Variants in TNPO3 observed in about 807,000 individuals in gnomAD.
TNPO3 encodes transportin-3.
TNPO3 carries 65 observed loss-of-function variants against 122.8 expected under a neutral mutation model. That is an observed-to-expected ratio of 0.53 (90% CI 0.43 to 0.65). The LOEUF is 0.65. Among genes scored for constraint, TNPO3 ranks in the 30% least tolerant of loss-of-function variants. The probability of loss-of-function intolerance (pLI) is 0.00; values close to 1 mark genes in which losing one functional copy is unlikely to be tolerated. For missense variants in TNPO3, 850 were observed against 1,136.7 expected, an observed-to-expected ratio of 0.75 and a Z score of 3.63; for synonymous variants, 372 against 411.2, an observed-to-expected ratio of 0.90 and a Z score of 1.15.
In TNPO3 at chr7:129,046,195, CAAAAAAA is replaced by C. The variant is rs5887409; in HGVS notation, c.120+8449_120+8455del. On this transcript the variant is annotated intron_variant, in intron 1 of 22. Transcript: ENST00000265388. The stretch of plus-strand genomic sequence containing the variant: ...TGAGTGACAGAGTGAGACTCCGTCT[CAAAAAAA>C]AAAAAAAAAAAAAAAGAAACTGATT... 1.9e-4 allele frequency among the ~76,000 whole-genome samples: 15 copies of C among 79,328 alleles called. No homozygotes were observed. In the East Asian group the frequency reaches 4.1e-3, roughly 22 times the overall value. 52.0% of individuals were successfully genotyped at this position (79,328 alleles called of 152,430 possible).
At chr7:129,018,930 A>G (rs1028729247) in intron 1 of TNPO3, among the ~76,000 whole-genome samples, 4 of 152,126 alleles carry the variant, frequency 2.6e-5, no homozygotes, top group African/African-American at 7.2e-5. Context: ...TGTTGGCCAG[A>G]CTGATCTTGA....
intron 4 of TNPO3, among the ~76,000 whole-genome samples, chr7:129,008,193 C>A (rs1413955889): frequency 2.0e-5 from 3 of 151,280 alleles, no homozygotes; most frequent in African/African-American, 7.3e-5. Context: ...GAACTAAGAG[C>A]CCTTGCTTTA....
At chr7:129,000,320 A>C in intron 7 of TNPO3, 109 bp downstream of exon 7, 1 of 1,215,624 alleles carries the variant, frequency 8.2e-7, no homozygotes, top group Middle Eastern at 2.1e-4. Flanking sequence ...AATTAAAAAC[A>C]AGACTGTAAT....
chr7:129,018,818 A>C (rs1446498246), intron 1 of TNPO3, among the ~76,000 whole-genome samples: 1 of 152,106 alleles, frequency 6.6e-6, no homozygotes, highest in Admixed American at 6.6e-5. Flanking sequence ...TCCCAGGTTC[A>C]AGCAATTCTC....
intron 1 of TNPO3, among the ~76,000 whole-genome samples, chr7:129,047,814 T>C (rs1337792462): frequency 3.9e-5 from 6 of 152,230 alleles, no homozygotes; most frequent in Non-Finnish European, 5.9e-5. Flanking sequence ...TAAAACACTA[T>C]AGTTATTACT....
chr7:129,046,493 C>G (rs571812430), intron 1 of TNPO3, among the ~76,000 whole-genome samples: 2 of 152,062 alleles, frequency 1.3e-5, no homozygotes, highest in African/African-American at 2.4e-5. Context: ...TAAGCACACA[C>G]AAAAAATGCC....
intron 7 of TNPO3, 33 bp from the exon 8 acceptor site, chr7:128,997,568 G>A: frequency 6.3e-7 from 1 of 1,576,896 alleles, no homozygotes; most frequent in Non-Finnish European, 8.7e-7. Flanking sequence ...TTATTTGAAT[G>A]GGAAAGGAAT....
chr7:129,031,942 C>A (rs978193276), intron 1 of TNPO3, among the ~76,000 whole-genome samples: 1 of 152,120 alleles, frequency 6.6e-6, no homozygotes, highest in South Asian at 2.1e-4. Flanking sequence ...CTGCCTCAGC[C>A]TCCCAAATAA....
intron 22 of TNPO3, among the ~76,000 whole-genome samples, chr7:128,956,161 ATAT>A (rs1796878694): frequency 6.6e-6 from 1 of 152,200 alleles, no homozygotes; most frequent in Non-Finnish European, 1.5e-5. Flanking sequence ...ATCCCAAATG[ATAT>A]TATTACTCAT....
chr7:129,037,023 C>T (rs1806766572), intron 1 of TNPO3, among the ~76,000 whole-genome samples: 1 of 152,080 alleles, frequency 6.6e-6, no homozygotes, highest in Non-Finnish European at 1.5e-5. Flanking sequence ...AAGGCTAAGA[C>T]ACATATAATT....
intron 1 of TNPO3, among the ~76,000 whole-genome samples, chr7:129,039,415 C>T (rs1285820344): frequency 6.6e-6 from 1 of 152,008 alleles, no homozygotes; most frequent in Non-Finnish European, 1.5e-5. Context: ...TACAAATTAG[C>T]TGGGCATGGT....
chr7:129,010,519 A>C lies in TNPO3; in HGVS notation c.552+4460T>G, dbSNP rs944471635. ...GGATTATCTACTGGAATGTAAAACA[A>C]TTAGGCTAAAGTCTGATAGGGAATT... On this transcript the variant is annotated intron_variant, in intron 4 of 22. Transcript: ENST00000265388. Among the ~76,000 whole-genome samples the C allele has an allele frequency of 3.3e-5, 5 of 152,204 alleles. No homozygotes were observed. In the East Asian group the frequency reaches 9.6e-4, roughly 29 times the overall value.
intron 8 of TNPO3, 103 bp downstream of exon 8, chr7:128,997,286 G>T: frequency 1.5e-6 from 2 of 1,307,822 alleles, no homozygotes; most frequent in East Asian, 2.4e-5. Flanking sequence ...GCATGAGCCA[G>T]GGTGCCCAGC....
At chr7:128,979,501 A>G (rs1295858449) in intron 15 of TNPO3, among the ~76,000 whole-genome samples, 1 of 152,212 alleles carries the variant, frequency 6.6e-6, no homozygotes, top group Non-Finnish European at 1.5e-5. Flanking sequence ...GAGTTAAGGA[A>G]ATGGCATCAT....
intron 13 of TNPO3, among the ~76,000 whole-genome samples, chr7:128,982,628 A>G (rs1799742979): frequency 6.6e-6 from 1 of 152,036 alleles, no homozygotes; most frequent in Non-Finnish European, 1.5e-5. Context: ...TATTATTATT[A>G]CATATTACAT....
Position 128,986,879 on chromosome 7 carries a change from GC to G in TNPO3, c.1539del (p.Lys513AsnfsTer50). On this transcript the variant is annotated frameshift_variant, in exon 12 of 23. Transcript: ENST00000265388. LOFTEE classifies it high-confidence loss of function. ...LGYLMKGLCE[K>X]PLASAAAKAI... is the part of the protein sequence containing the mutation. ...GCTTTGGCTGCAGCAGAAGCCAGGG[GC>G]TTTTCACACAGGCCTTTCATCAAAT... The G allele has an allele frequency of 6.2e-7, 1 of 1,613,718 alleles. No homozygotes were observed. The highest frequency in any genetic ancestry group is 8.5e-7 in the Non-Finnish European group (1 of 1,179,914).
At chr7:129,035,118 C>T (rs1282828577) in intron 1 of TNPO3, among the ~76,000 whole-genome samples, 5 of 147,178 alleles carry the variant, frequency 3.4e-5, no homozygotes, top group Non-Finnish European at 6.0e-5. Flanking sequence ...ACTAAAAATA[C>T]AAAAAATTAG....
rs1257261306 is a variant in TNPO3 at position 129,054,842 on chromosome 7, G to A, written c.-72C>T. The A allele has an allele frequency of 1.0e-5, 16 of 1,603,608 alleles. No individual in the cohort carries two copies. Among genetic ancestry groups the A allele is most frequent in the Non-Finnish European group, 1.4e-5 (16 of 1,174,666 alleles). ...AGGATTCCTCGGTTGCTCCGCCTTC[G>A]CGCTTCCTCACTGTCTGGGCCACGG... On this transcript the variant is annotated 5_prime_UTR_variant, in exon 1 of 23. Coordinates refer to ENST00000265388, the MANE Select transcript of TNPO3 (RefSeq NM_012470.4).
At chr7:129,013,534 G>A (rs1803468022) in intron 4 of TNPO3, among the ~76,000 whole-genome samples, 1 of 152,124 alleles carries the variant, frequency 6.6e-6, no homozygotes, top group Admixed American at 6.6e-5. Flanking sequence ...ATGTAAAGCA[G>A]TACAGTCATT....
Sources: allele counts gnomAD v4.1 joint callset (sites outside exome capture counted in the v4.1 genomes callset), GRCh38; gene constraint gnomAD v4.1.1; transcripts MANE v1.5; gene names NCBI Gene and HGNC (gene_info 2026-07-23, HGNC 2026-07-21).